Variants in ASCC3 observed in about 807,000 individuals in gnomAD.
ASCC3 encodes activating signal cointegrator 1 complex subunit 3, also known as ASC-1 complex subunit P200.
Under a neutral mutation model 256.3 loss-of-function variants are expected in ASCC3, and 158 were observed. The observed-to-expected ratio is 0.62, with a 90% CI of 0.54 to 0.70. The LOEUF (loss-of-function observed/expected upper bound fraction) is 0.70. Among genes scored for constraint, ASCC3 ranks in the 30% least tolerant of loss-of-function variants. ASCC3 has a pLI of 0.00. For synonymous variants in ASCC3, 948 were observed against 883.4 expected (o/e 1.07, Z -1.30); for missense variants, 2,259 against 2,626.0 (o/e 0.86, Z 3.05).
chr6:100,580,413 T>C (rs1021505840), intron 36 of ASCC3, among the ~76,000 whole-genome samples: 19 of 152,134 alleles, frequency 1.2e-4, no homozygotes, highest in East Asian at 9.7e-4. Context: ...TTGATGATAA[T>C]TGAAGAGAAA....
At chr6:100,560,748 A>AACACACACACACAC (rs747539213) in intron 36 of ASCC3, among the ~76,000 whole-genome samples, 105 of 133,942 alleles carry the variant, frequency 7.8e-4, no homozygotes, top group Middle Eastern at 3.6e-3. Flanking sequence ...ATCTTAGAGG[A>AACACACACACACAC]ACACACACAC....
In ASCC3 at chr6:100,747,931, A is replaced by G. The variant is rs187552611; in HGVS notation, c.1737+18634T>C. ...ATGTAGTATCTAGTGCTTTCCTTAG[A>G]ATATAATTGATTACTATTTTCTTTT... On this transcript the variant is annotated intron_variant, in intron 10 of 41. Transcript: ENST00000369162. Among the ~76,000 whole-genome samples, 103 of 152,204 alleles carry G rather than the reference A, an allele frequency of 6.8e-4. 1 individual carries two copies. Among genetic ancestry groups the G allele is most frequent in the African/African-American group, 2.3e-3 (97 of 41,562 alleles).
intron 8 of ASCC3, among the ~76,000 whole-genome samples, chr6:100,785,684 T>C (rs943989414): frequency 6.6e-6 from 1 of 152,156 alleles, no homozygotes; most frequent in Non-Finnish European, 1.5e-5. Context: ...AGTGCTAGGA[T>C]TACAGGTGTG....
At chr6:100,807,860 T>G (rs2114372729) in intron 4 of ASCC3, among the ~76,000 whole-genome samples, 1 of 152,054 alleles carries the variant, frequency 6.6e-6, no homozygotes, top group African/African-American at 2.4e-5. Context: ...AAAAGTATTT[T>G]GTAAAAATTT....
At chr6:100,579,441 T>A (rs1000920585) in intron 36 of ASCC3, among the ~76,000 whole-genome samples, 2 of 152,086 alleles carry the variant, frequency 1.3e-5, no homozygotes, top group Non-Finnish European at 2.9e-5. Flanking sequence ...GAATGGTATT[T>A]CCTGGGTTAT....
intron 30 of ASCC3, among the ~76,000 whole-genome samples, chr6:100,615,737 C>T (rs1041314279): frequency 2.6e-5 from 4 of 152,130 alleles, no homozygotes; most frequent in African/African-American, 9.7e-5. Flanking sequence ...AAACAGCCTC[C>T]TATATTGTAA....
At chr6:100,617,033 C>A (rs1204811089) in intron 30 of ASCC3, among the ~76,000 whole-genome samples, 4 of 152,022 alleles carry the variant, frequency 2.6e-5, no homozygotes, top group African/African-American at 9.7e-5. Context: ...GAGACAGAGT[C>A]TTGCTCTGTC....
At position 100,831,111 on chromosome 6, in the gene ASCC3, C is replaced by A. The variant is rs1771596755; in HGVS notation, c.801+17037G>T. 2.0e-5 allele frequency among the ~76,000 whole-genome samples: 3 copies of A among 151,970 alleles called. No individual in the cohort carries two copies. The South Asian group carries it at 6.2e-4, about 32-fold the overall frequency. On this transcript the variant is annotated intron_variant, in intron 4 of 41. Coordinates refer to ENST00000369162, the MANE Select transcript of ASCC3 (RefSeq NM_006828.4). ...TATAAAAGACTAAAACAGTTTATCACAACAAAAATGTGATCTTATAAACAA... is the reference window on the plus strand; with the variant it reads ...TATAAAAGACTAAAACAGTTTATCAAAACAAAAATGTGATCTTATAAACAA...
intron 30 of ASCC3, among the ~76,000 whole-genome samples, chr6:100,621,704 G>A (rs1773960364): frequency 6.6e-6 from 1 of 152,142 alleles, no homozygotes; most frequent in African/African-American, 2.4e-5. Flanking sequence ...TCTAGAGGCA[G>A]AAATATCATC....
At chr6:100,759,571 G>T (rs182910687) in intron 10 of ASCC3, among the ~76,000 whole-genome samples, 157 of 152,176 alleles carry the variant, frequency 1.0e-3, no homozygotes, top group Non-Finnish European at 1.9e-3. Context: ...TTGTAGTATA[G>T]TTTGAAGTCA....
At chr6:100,723,991 G>A (rs760359169) in intron 11 of ASCC3, among the ~76,000 whole-genome samples, 3 of 143,552 alleles carry the variant, frequency 2.1e-5, no homozygotes, top group African/African-American at 7.6e-5. Context: ...CATAATTTAG[G>A]TAAGATGGGC....
chr6:100,568,776 TA>T (rs1208356944), intron 36 of ASCC3, among the ~76,000 whole-genome samples: 1,797 of 140,950 alleles, frequency 0.013, 44 homozygotes, highest in African/African-American at 0.05. Context: ...TTATTATTAT[TA>T]TTATTATTAT....
At chr6:100,740,144 T>A (rs1026353971) in intron 10 of ASCC3, among the ~76,000 whole-genome samples, 3 of 152,210 alleles carry the variant, frequency 2.0e-5, no homozygotes, top group African/African-American at 7.2e-5. Context: ...TTTGTTCTCA[T>A]AATTTTGAAA....
At chr6:100,513,362 C>G (rs1773871475) in intron 39 of ASCC3, among the ~76,000 whole-genome samples, 1 of 152,042 alleles carries the variant, frequency 6.6e-6, no homozygotes, top group South Asian at 2.1e-4. Flanking sequence ...TAAAATAAAA[C>G]AAGTTAAAAA....
chr6:100,810,671 T>C (rs1466898549), intron 4 of ASCC3, among the ~76,000 whole-genome samples: 2 of 152,068 alleles, frequency 1.3e-5, no homozygotes, highest in Non-Finnish European at 2.9e-5. Flanking sequence ...AGGTTGCTTT[T>C]GACAACATAA....
intron 8 of ASCC3, among the ~76,000 whole-genome samples, chr6:100,778,141 T>C (rs1474437581): frequency 1.3e-5 from 2 of 152,008 alleles, no homozygotes; most frequent in Non-Finnish European, 2.9e-5. Flanking sequence ...ATGACGTTTT[T>C]CTTGAGTGAA....
chr6:100,587,903 T>A (rs1157871768), intron 36 of ASCC3, among the ~76,000 whole-genome samples: 1 of 152,180 alleles, frequency 6.6e-6, no homozygotes, highest in African/African-American at 2.4e-5. Flanking sequence ...TTTTTTGGCT[T>A]TTTTAGTGGA....
At position 100,619,218 on chromosome 6, in the gene ASCC3, T is replaced by C. The variant is rs111951228; in HGVS notation, c.4785+5974A>G. Among the ~76,000 whole-genome samples the C allele has an allele frequency of 4.9e-3, 740 of 152,306 alleles. 5 individuals are homozygous for C. The highest frequency in any genetic ancestry group is 0.018 in the South Asian group (88 of 4,826). ...CCACTTGAAAACTTTTGCCTTCTCT[T>C]CCCTATAACTCTAGCTTTGCTAGTT... On this transcript the variant is annotated intron_variant, in intron 30 of 41. Coordinates refer to ENST00000369162, the MANE Select transcript of ASCC3 (RefSeq NM_006828.4).
chr6:100,785,706 C>A (rs1769036991), intron 8 of ASCC3, among the ~76,000 whole-genome samples: 1 of 152,142 alleles, frequency 6.6e-6, no homozygotes, highest in Admixed American at 6.6e-5. Flanking sequence ...GCCACCATGC[C>A]CAGCTCATTT....
Sources: allele counts gnomAD v4.1 joint callset (sites outside exome capture counted in the v4.1 genomes callset), GRCh38; gene constraint gnomAD v4.1.1; transcripts MANE v1.5; gene names NCBI Gene and HGNC (gene_info 2026-07-23, HGNC 2026-07-21).